The following FHOD3 variants were observed in gnomAD, a reference collection of about 807,000 sequenced individuals.
FHOD3 encodes the protein formin homology 2 domain containing 3, also known as FH1/FH2 domain-containing protein 3.
A neutral mutation model predicts 173.0 loss-of-function variants in FHOD3; 90 were observed. That is an observed-to-expected ratio of 0.52 (90% CI 0.44 to 0.62). The LOEUF (loss-of-function observed/expected upper bound fraction) is 0.62. FHOD3 is among the 20% of genes least tolerant of loss of function. FHOD3 has a pLI of 0.00. For synonymous variants in FHOD3, 828 were observed against 823.0 expected (o/e 1.01, Z -0.10); for missense variants, 1,945 against 2,034.7 (o/e 0.96, Z 0.85).
chr18:36,582,580 C>G (rs970606675), intron 6 of FHOD3, among the ~76,000 whole-genome samples: 6 of 152,206 alleles, frequency 3.9e-5, no homozygotes, highest in Non-Finnish European at 7.3e-5. Context: ...ACAAGACACT[C>G]TGACTTGCTG....
chr18:36,664,814 G>GAGAGAGAGAT (rs766704398), intron 14 of FHOD3, among the ~76,000 whole-genome samples: 11 of 146,744 alleles, frequency 7.5e-5, no homozygotes, highest in Non-Finnish European at 1.3e-4. Flanking sequence ...GAGAGAGAGA[G>GAGAGAGAGAT]ATTGAGATTG....
chr18:36,666,139 C>T (rs1483292451), intron 14 of FHOD3, among the ~76,000 whole-genome samples: 1 of 152,242 alleles, frequency 6.6e-6, no homozygotes, highest in Non-Finnish European at 1.5e-5. Flanking sequence ...GGACCAGTCT[C>T]CACAGCACAC....
At chr18:36,742,693 C>CTTT in intron 21 of FHOD3, 44 bp from the exon 22 acceptor site, 1 of 1,586,254 alleles carries the variant, frequency 6.3e-7, no homozygotes, top group African/African-American at 1.4e-5. Flanking sequence ...AAAGTAAACC[C>CTTT]AAATTGTACA....
At chr18:36,470,010 C>A (rs2053184463) in intron 3 of FHOD3, among the ~76,000 whole-genome samples, 1 of 152,118 alleles carries the variant, frequency 6.6e-6, no homozygotes, top group Admixed American at 6.6e-5. Context: ...AAGAGGCTGA[C>A]CTAGAAGTTT....
chr18:36,729,851 C>A (rs1196780809), intron 19 of FHOD3, among the ~76,000 whole-genome samples: 1 of 152,180 alleles, frequency 6.6e-6, no homozygotes, highest in Non-Finnish European at 1.5e-5. Context: ...GGGCTGGCTG[C>A]AGAGATAGGT....
intron 1 of FHOD3, among the ~76,000 whole-genome samples, chr18:36,307,687 G>A (rs946164004): frequency 6.6e-6 from 1 of 152,206 alleles, no homozygotes; most frequent in Non-Finnish European, 1.5e-5. Flanking sequence ...GGTGGACACA[G>A]GATGACTTTG....
chr18:36,592,239 G>T (rs1339288473), intron 6 of FHOD3, among the ~76,000 whole-genome samples: 6 of 152,070 alleles, frequency 3.9e-5, no homozygotes, highest in Non-Finnish European at 8.8e-5. Flanking sequence ...AATAAATCAG[G>T]GTGATGTGTT....
At chr18:36,464,637 A>G (rs1272997149) in intron 3 of FHOD3, among the ~76,000 whole-genome samples, 1 of 152,130 alleles carries the variant, frequency 6.6e-6, no homozygotes, top group Non-Finnish European at 1.5e-5. Context: ...AGGGGAAAGG[A>G]TCTGTGTGCA....
intron 3 of FHOD3, among the ~76,000 whole-genome samples, chr18:36,412,557 C>G (rs1457173913): frequency 2.4e-4 from 37 of 152,082 alleles, no homozygotes; most frequent in Admixed American, 2.4e-3. Context: ...GCGATTTTCC[C>G]CATGTAAAAG....
chr18:36,527,146 G>C (rs1396163440), intron 5 of FHOD3, among the ~76,000 whole-genome samples: 1 of 152,150 alleles, frequency 6.6e-6, no homozygotes, highest in Non-Finnish European at 1.5e-5. Context: ...GCCCTGGGAG[G>C]CTCATCCATC....
intron 28 of FHOD3, chr18:36,777,775 G>A (rs1421490327): frequency 6.6e-6 from 1 of 152,186 alleles, no homozygotes; most frequent in African/African-American, 2.4e-5. Context: ...ATTCAGTCTG[G>A]AGGCCAAGGG....
rs2149500046 is a variant in FHOD3, at chr18:36,693,325, C to G, written c.2138C>G (p.Ala713Gly). 6.2e-7 allele frequency: 1 copy of G among 1,613,894 alleles called. No homozygotes were observed. Among genetic ancestry groups the G allele is most frequent in the Admixed American group, 1.7e-5 (1 of 60,016 alleles). The change falls in exon 17 of 29, where the codon GCC (alanine) becomes GGC (glycine). Residue 713 changes from alanine (A) to glycine (G), a missense_variant. Physicochemically the swap from Ala to Gly is moderately conservative, Grantham distance 60. This residue lies in a region of FHOD3 where 1,099 missense variants were observed against 1,051.2 expected (regional missense o/e 1.05). Transcript: ENST00000590592. The stretch of plus-strand genomic sequence containing the variant: ...GACCTGACCTCGCCAGCAGCCCCAG[C>G]CTGCCTGGCTCCTCTGAGCCATAGC... ...SLDLTSPAAP[A>G]CLAPLSHSPS...
chr18:36,664,777 T>TGAGAGAGA (rs373836211), intron 14 of FHOD3, among the ~76,000 whole-genome samples: 21,926 of 129,100 alleles, frequency 0.17, 1,977 homozygotes, highest in Non-Finnish European at 0.22. Context: ...TGTGTGTATG[T>TGAGAGAGA]GAGAGAGAGA....
intron 5 of FHOD3, among the ~76,000 whole-genome samples, chr18:36,521,551 A>C (rs933971034): frequency 6.6e-6 from 1 of 152,054 alleles, no homozygotes; most frequent in Non-Finnish European, 1.5e-5. Context: ...GGCTTCTCTA[A>C]ACCTTGACTC....
At chr18:36,740,550 C>A in intron 20 of FHOD3, 106 bp from the exon 21 acceptor site, 1 of 1,159,214 alleles carries the variant, frequency 8.6e-7, no homozygotes, top group Non-Finnish European at 1.2e-6. Flanking sequence ...CTGTACATAC[C>A]TCTACTACCT....
At chr18:36,734,490 CTG>C (rs1268442834) in intron 20 of FHOD3, among the ~76,000 whole-genome samples, 7 of 151,998 alleles carry the variant, frequency 4.6e-5, no homozygotes, top group South Asian at 4.2e-4. Context: ...AATCCAGAGA[CTG>C]TGTAGATCTC....
intron 6 of FHOD3, among the ~76,000 whole-genome samples, chr18:36,580,261 C>G (rs952824761): frequency 6.6e-6 from 1 of 152,202 alleles, no homozygotes; most frequent in African/African-American, 2.4e-5. Context: ...TAAGGTGGCA[C>G]ACTCGCCTCC....
chr18:36,434,691 A>C (rs541762020), intron 3 of FHOD3, among the ~76,000 whole-genome samples: 21 of 152,178 alleles, frequency 1.4e-4, no homozygotes, highest in African/African-American at 4.8e-4. Flanking sequence ...CTATTTATTC[A>C]GGTGTGTATC....
intron 3 of FHOD3, among the ~76,000 whole-genome samples, chr18:36,409,535 T>G (rs2049243954): frequency 6.6e-6 from 1 of 152,110 alleles, no homozygotes; most frequent in South Asian, 2.1e-4. Context: ...TTGATTCATT[T>G]CCCCCTCTAC....
Sources: gnomAD v4.1 joint callset for allele counts (sites outside exome capture counted in the v4.1 genomes callset) on GRCh38, gnomAD v4.1.1 for gene constraint, gnomAD v4.1.1 regional missense constraint, MANE v1.5 for transcripts, NCBI Gene and HGNC (gene_info 2026-07-23, HGNC 2026-07-21) for gene names.